Variants in SYBU observed in about 807,000 individuals in gnomAD.
SYBU encodes the protein GOLSYN A protein.
Under a neutral mutation model 35.9 loss-of-function variants are expected in SYBU, and 21 were observed. That is an observed-to-expected ratio of 0.58 (90% CI 0.41 to 0.84). The LOEUF is 0.84. Among genes scored for constraint, SYBU ranks in the 40% least tolerant of loss-of-function variants. SYBU has a pLI of 0.00. For missense variants in SYBU, 768 were observed against 848.2 expected, an observed-to-expected ratio of 0.91 and a Z score of 1.17; for synonymous variants, 319 against 324.3, an observed-to-expected ratio of 0.98 and a Z score of 0.18.
intron 4 of SYBU, among the ~76,000 whole-genome samples, chr8:109,583,469 C>T (rs958760113): frequency 2.6e-5 from 4 of 152,202 alleles, no homozygotes; most frequent in African/African-American, 9.7e-5. Context: ...AGACAAGATA[C>T]TCTGTAAGCC....
chr8:109,652,938 T>C (rs1399619244), intron 1 of SYBU, among the ~76,000 whole-genome samples: 3 of 152,340 alleles, frequency 2.0e-5, no homozygotes, highest in Non-Finnish European at 2.9e-5. Context: ...TTCTACTTCA[T>C]AGGTCTATTT....
upstream of SYBU, among the ~76,000 whole-genome samples, chr8:109,648,352 A>G (rs990388887): frequency 2.7e-5 from 4 of 150,150 alleles, no homozygotes; most frequent in Non-Finnish European, 4.4e-5. Flanking sequence ...ATGTCTTTAT[A>G]TAATTATTCC....
chr8:109,639,297 AATAAATGTTT>A (rs145283701), intron 2 of SYBU, among the ~76,000 whole-genome samples: 9,425 of 152,248 alleles, frequency 0.062, 831 homozygotes, highest in African/African-American at 0.2. Flanking sequence ...CTTTGTATTA[AATAAATGTTT>A]ATAAATGTTT....
chr8:109,621,837 G>T (rs1462589485), intron 2 of SYBU, among the ~76,000 whole-genome samples: 1 of 152,194 alleles, frequency 6.6e-6, no homozygotes, highest in Non-Finnish European at 1.5e-5. Flanking sequence ...AGAAAGGGCA[G>T]GGCCATGAAT....
intron 2 of SYBU, among the ~76,000 whole-genome samples, chr8:109,623,255 G>T (rs999699127): frequency 1.2e-4 from 19 of 152,114 alleles, no homozygotes; most frequent in African/African-American, 4.1e-4. Context: ...TGGAACTCAG[G>T]TAAACATTAC....
intron 1 of SYBU, among the ~76,000 whole-genome samples, chr8:109,669,252 G>A (rs544053895): frequency 2.1e-5 from 3 of 145,420 alleles, no homozygotes; most frequent in African/African-American, 7.6e-5. Flanking sequence ...TGAGGCAGGA[G>A]AATGGCGTGA....
chr8:109,600,747 G>A (rs1825426436), intron 3 of SYBU, among the ~76,000 whole-genome samples: 1 of 152,216 alleles, frequency 6.6e-6, no homozygotes, highest in South Asian at 2.1e-4. Context: ...GAAGGAGCCA[G>A]CAGGAGTTCA....
upstream of SYBU, among the ~76,000 whole-genome samples, chr8:109,648,429 G>A (rs10090145): frequency 2.6e-5 from 4 of 151,142 alleles, no homozygotes; most frequent in East Asian, 1.9e-4. Context: ...CCTACCTTTC[G>A]TATGCACAAA....
chr8:109,651,818 A>C lies in SYBU; in HGVS notation c.-129+28893T>G, dbSNP rs1816153812. On this transcript the variant is annotated intron_variant, in intron 1 of 5. Coordinates refer to the SYBU transcript ENST00000408889. ...CTTGTTTCACATTCACCTCATCCTAAAAAGTTTCATCTTAATTTTTATTAA... is the reference window on the plus strand; with the variant it reads ...CTTGTTTCACATTCACCTCATCCTACAAAGTTTCATCTTAATTTTTATTAA... Among the ~76,000 whole-genome samples the C allele has an allele frequency of 6.6e-5, 10 of 152,080 alleles. No individual in the cohort carries two copies. The South Asian group carries it at 2.1e-3, about 32-fold the overall frequency.
intron 2 of SYBU, among the ~76,000 whole-genome samples, chr8:109,639,413 G>C (rs1814603595): frequency 6.6e-6 from 1 of 152,188 alleles, no homozygotes; most frequent in African/African-American, 2.4e-5. Flanking sequence ...TTTGAGGAAA[G>C]AGTCTCCAGT....
At chr8:109,600,366 T>A (rs532632833) in intron 3 of SYBU, among the ~76,000 whole-genome samples, 1 of 152,314 alleles carries the variant, frequency 6.6e-6, no homozygotes, top group South Asian at 2.1e-4. Context: ...CCAGCCTGTA[T>A]GCCCAAACCT....
chr8:109,583,520 C>G (rs915388011), intron 4 of SYBU, among the ~76,000 whole-genome samples: 3 of 152,210 alleles, frequency 2.0e-5, no homozygotes, highest in African/African-American at 7.2e-5. Flanking sequence ...CAAAAATATT[C>G]TCACCAGCTC....
At chr8:109,609,309 C>G (rs1255004292) in intron 3 of SYBU, among the ~76,000 whole-genome samples, 4 of 152,178 alleles carry the variant, frequency 2.6e-5, no homozygotes, top group Admixed American at 1.3e-4. Flanking sequence ...TTTGGAGAGT[C>G]AACTGATGGA....
intron 1 of SYBU, among the ~76,000 whole-genome samples, chr8:109,666,583 A>T (rs552759533): frequency 8.5e-5 from 13 of 152,208 alleles, no homozygotes; most frequent in African/African-American, 3.1e-4. Flanking sequence ...TCTACTAATA[A>T]TACAAAAATT....
intron 1 of SYBU, among the ~76,000 whole-genome samples, chr8:109,652,962 CT>C (rs1816209491): frequency 6.6e-6 from 1 of 152,154 alleles, no homozygotes; most frequent in Non-Finnish European, 1.5e-5. Context: ...GGATTAAATT[CT>C]ATAACACTTG....
chr8:109,661,702 A>C (rs1184553439), intron 1 of SYBU, among the ~76,000 whole-genome samples: 2 of 152,196 alleles, frequency 1.3e-5, no homozygotes, highest in Admixed American at 1.3e-4. Context: ...AGTAGAAACA[A>C]TGGAGAATAA....
chr8:109,625,137 A>T lies in SYBU; in HGVS notation c.230-6098T>A, dbSNP rs539418794. Among the ~76,000 whole-genome samples the T allele has an allele frequency of 3.0e-3, 378 of 127,166 alleles. 2 individuals carry two copies. The highest frequency in any genetic ancestry group is 3.2e-3 in the East Asian group (16 of 5,078). 83.4% of individuals were successfully genotyped at this position (127,166 alleles called of 152,430 possible). On this transcript the variant is annotated intron_variant, in intron 2 of 6. Transcript: ENST00000276646. ...TTACGTAAGAAAATGTGCTTTTTTT[A>T]AAAAAAAAAGTTATGCATGCTGAGG...
At chr8:109,682,413 G>A (rs779461461), upstream of SYBU, among the ~76,000 whole-genome samples, 3 of 152,162 alleles carry the variant, frequency 2.0e-5, no homozygotes, top group African/African-American at 4.8e-5. Flanking sequence ...TGGAGATGAG[G>A]AACTTGTTGG....
At chr8:109,633,901 T>TC (rs1813914219) in intron 2 of SYBU, among the ~76,000 whole-genome samples, 1 of 149,410 alleles carries the variant, frequency 6.7e-6, no homozygotes, top group East Asian at 1.9e-4. Context: ...ACCCAGCTAA[T>TC]TTTTGCATTT....
Sources: allele counts gnomAD v4.1 joint callset (sites outside exome capture counted in the v4.1 genomes callset), GRCh38; gene constraint gnomAD v4.1.1; transcripts MANE v1.5; gene names NCBI Gene and HGNC (gene_info 2026-07-23, HGNC 2026-07-21).